Variants in NXPH2 observed in about 807,000 individuals in gnomAD.
NXPH2 encodes the protein neurexophilin 2.
NXPH2 carries 5 observed loss-of-function variants against 19.8 expected under a neutral mutation model. The observed-to-expected ratio is 0.25, with a 90% CI of 0.13 to 0.53. The LOEUF is 0.53. NXPH2 is among the 20% of genes least tolerant of loss of function. The probability of loss-of-function intolerance (pLI) is 0.96; values close to 1 mark genes in which losing one functional copy is unlikely to be tolerated. For synonymous variants in NXPH2, 154 were observed against 127.4 expected (o/e 1.21, Z -1.41); for missense variants, 289 against 322.8 (o/e 0.90, Z 0.80).
At chr2:138,748,138 G>A (rs4322786) in intron 1 of NXPH2, among the ~76,000 whole-genome samples, 22,899 of 152,160 alleles carry the variant, frequency 0.15, 2,100 homozygotes, top group East Asian at 0.47. Flanking sequence ...GTTGTCATGT[G>A]GGAGGCACTG....
At chr2:138,721,778 T>C (rs1289528041) in intron 1 of NXPH2, among the ~76,000 whole-genome samples, 1 of 152,316 alleles carries the variant, frequency 6.6e-6, no homozygotes, top group East Asian at 1.9e-4. Context: ...AACCTAAAAC[T>C]GATAAAGCTT....
intron 1 of NXPH2, among the ~76,000 whole-genome samples, chr2:138,752,957 C>T (rs1421286688): frequency 1.3e-5 from 2 of 152,114 alleles, no homozygotes; most frequent in Non-Finnish European, 1.5e-5. Flanking sequence ...CATGACATTA[C>T]GTTAATTTTA....
chr2:138,733,159 T>C (rs1367744064), intron 1 of NXPH2, among the ~76,000 whole-genome samples: 1 of 152,212 alleles, frequency 6.6e-6, no homozygotes, highest in African/African-American at 2.4e-5. Flanking sequence ...ACACAGTCTA[T>C]AATGAAATGA....
chr2:138,674,278 C>T (rs998941413), intron 1 of NXPH2, among the ~76,000 whole-genome samples: 3 of 152,040 alleles, frequency 2.0e-5, no homozygotes, highest in Non-Finnish European at 2.9e-5. Context: ...ATCAGCCTCC[C>T]GAGTAGCTGT....
At chr2:138,699,540 G>C (rs1044217290) in intron 1 of NXPH2, among the ~76,000 whole-genome samples, 1 of 151,970 alleles carries the variant, frequency 6.6e-6, no homozygotes, top group Admixed American at 6.6e-5. Flanking sequence ...CCGGCACACG[G>C]GATGGTAGAG....
intron 1 of NXPH2, among the ~76,000 whole-genome samples, chr2:138,774,398 T>C (rs1250419452): frequency 6.6e-6 from 1 of 152,212 alleles, no homozygotes; most frequent in African/African-American, 2.4e-5. Context: ...CTTCTAAGTA[T>C]ATACATCACT....
At chr2:138,708,811 A>G (rs1304657811) in intron 1 of NXPH2, among the ~76,000 whole-genome samples, 1 of 152,258 alleles carries the variant, frequency 6.6e-6, no homozygotes, top group African/African-American at 2.4e-5. Context: ...ATCAAAGCAT[A>G]GGGACATCGG....
intron 1 of NXPH2, among the ~76,000 whole-genome samples, chr2:138,774,317 T>C (rs1682224943): frequency 6.6e-6 from 1 of 152,244 alleles, no homozygotes; most frequent in South Asian, 2.1e-4. Context: ...CAATTCTCTG[T>C]CTGGTTTTAC....
chr2:138,703,341 C>CAG (rs1443015344), intron 1 of NXPH2, among the ~76,000 whole-genome samples: 1 of 152,132 alleles, frequency 6.6e-6, no homozygotes, highest in Non-Finnish European at 1.5e-5. Context: ...GTTGAAAAAT[C>CAG]AGCAGCAGCA....
chr2:138,729,474 A>C (rs1348355140), intron 1 of NXPH2, among the ~76,000 whole-genome samples: 1 of 152,070 alleles, frequency 6.6e-6, no homozygotes, highest in Admixed American at 6.6e-5. Flanking sequence ...TTTATAAATT[A>C]CCCAGTCTTG....
At chr2:138,708,646 C>G (rs1681053791) in intron 1 of NXPH2, among the ~76,000 whole-genome samples, 1 of 152,090 alleles carries the variant, frequency 6.6e-6, no homozygotes, top group South Asian at 2.1e-4. Flanking sequence ...TAGAAATAGG[C>G]CAAGCTAATG....
chr2:138,743,961 C>T (rs1681686885), intron 1 of NXPH2, among the ~76,000 whole-genome samples: 1 of 138,800 alleles, frequency 7.2e-6, no homozygotes, highest in Non-Finnish European at 1.5e-5. Context: ...CGAGATTGCG[C>T]CATTGCACTC....
intron 1 of NXPH2, among the ~76,000 whole-genome samples, chr2:138,724,889 C>T (rs1009023287): frequency 7.9e-5 from 12 of 152,182 alleles, no homozygotes; most frequent in African/African-American, 2.9e-4. Context: ...CAATAAATAC[C>T]ATTACGCACA....
At chr2:138,702,289 TAAG>T (rs1680936373) in intron 1 of NXPH2, among the ~76,000 whole-genome samples, 1 of 152,054 alleles carries the variant, frequency 6.6e-6, no homozygotes, top group Non-Finnish European at 1.5e-5. Flanking sequence ...GCTAAATATT[TAAG>T]ATTTTTTGTA....
intron 1 of NXPH2, among the ~76,000 whole-genome samples, chr2:138,687,215 T>C (rs1040576630): frequency 6.6e-6 from 1 of 152,200 alleles, no homozygotes; most frequent in African/African-American, 2.4e-5. Context: ...CCAGCACCTG[T>C]TGTTTCCTGA....
At chr2:138,723,886 C>T (rs2104995426) in intron 1 of NXPH2, among the ~76,000 whole-genome samples, 1 of 152,102 alleles carries the variant, frequency 6.6e-6, no homozygotes, top group South Asian at 2.1e-4. Context: ...ACACTGACTT[C>T]CCCCGGATTA....
rs115916355 is a variant in NXPH2 at position 138,712,074 on chromosome 2, C to G, written c.52-40409G>C. On this transcript the variant is annotated intron_variant, in intron 1 of 1. Coordinates refer to ENST00000272641, the MANE Select transcript of NXPH2 (RefSeq NM_007226.3). The stretch of plus-strand genomic sequence containing the variant: ...CAGTTTAGTAGGCTGAGGCACTTAA[C>G]TTTGAGCAGCACATCCTGGGCAGAA... 7.2e-3 allele frequency among the ~76,000 whole-genome samples: 1,092 copies of G among 152,292 alleles called. 11 individuals are homozygous for G. The highest frequency in any genetic ancestry group is 0.024 in the African/African-American group (992 of 41,554).
intron 1 of NXPH2, among the ~76,000 whole-genome samples, chr2:138,675,957 G>A (rs1368187401): frequency 6.3e-3 from 1 of 158 alleles, no homozygotes; most frequent in Non-Finnish European, 0.021. Context: ...ATATACATAT[G>A]TGTGTGTGTG....
At position 138,670,887 on chromosome 2, in the gene NXPH2, CA is replaced by C. The variant is rs1680403043; in HGVS notation, c.*34del. The C allele has an allele frequency of 1.9e-6, 3 of 1,584,024 alleles. No individual in the cohort carries two copies. The South Asian group carries it at 3.5e-5, about 19-fold the overall frequency. ...GTTTCTTTGTCATTCTAATCAAATA[CA>C]TATGTATCCCTCATTTCCACCACAG... On this transcript the variant is annotated 3_prime_UTR_variant, in exon 2 of 2. Coordinates refer to ENST00000272641, the MANE Select transcript of NXPH2 (RefSeq NM_007226.3).
Sources: gnomAD v4.1 joint callset for allele counts (sites outside exome capture counted in the v4.1 genomes callset) on GRCh38, gnomAD v4.1.1 for gene constraint, MANE v1.5 for transcripts, NCBI Gene and HGNC (gene_info 2026-07-23, HGNC 2026-07-21) for gene names.